Variants in CLOCK observed in about 807,000 individuals in gnomAD.
CLOCK encodes the protein circadian locomoter output cycles protein kaput.
In CLOCK, 43 loss-of-function variants were observed where a neutral mutation model predicts 118.4. That is an observed-to-expected ratio of 0.36 (90% confidence interval 0.28 to 0.47). The LOEUF is 0.47. CLOCK is among the 20% of genes least tolerant of loss of function. CLOCK has a pLI of 1.00. For missense variants in CLOCK, 846 were observed against 999.9 expected (o/e 0.85, Z 2.08); for synonymous variants, 326 against 339.2 (o/e 0.96, Z 0.43).
intron 7 of CLOCK, among the ~76,000 whole-genome samples, chr4:55,474,106 A>T (rs1025549509): frequency 6.6e-6 from 1 of 152,216 alleles, no homozygotes; most frequent in African/African-American, 2.4e-5. Context: ...CAAAAGCTAG[A>T]CCTCTTGCAA....
At chr4:55,453,159 G>A (rs1159261425) in intron 14 of CLOCK, 30 bp from the exon 15 acceptor site, 2 of 1,560,846 alleles carry the variant, frequency 1.3e-6, no homozygotes, top group South Asian at 1.1e-5. Flanking sequence ...TCAAATTTTA[G>A]TGTCTGGTCA....
intron 4 of CLOCK, among the ~76,000 whole-genome samples, chr4:55,482,080 A>G (rs1328806747): frequency 6.6e-6 from 1 of 152,178 alleles, no homozygotes; most frequent in Non-Finnish European, 1.5e-5. Flanking sequence ...AAAAACAAAG[A>G]CAACTTAAAG....
chr4:55,533,554 T>G (rs2110094691), intron 1 of CLOCK, among the ~76,000 whole-genome samples: 1 of 152,348 alleles, frequency 6.6e-6, no homozygotes, highest in Middle Eastern at 3.4e-3. Flanking sequence ...GCCTAGAAAG[T>G]AATTCAAACC....
chr4:55,499,818 C>G (rs147206040), intron 2 of CLOCK, among the ~76,000 whole-genome samples: 1 of 152,182 alleles, frequency 6.6e-6, no homozygotes, highest in Non-Finnish European at 1.5e-5. Flanking sequence ...GTTCCATGTA[C>G]GTGTAGCTCA....
rs1722762071 is a variant in CLOCK at position 55,434,917 on chromosome 4, C to T, written c.*498G>A. 1 of 177,950 alleles carries T rather than the reference C, an allele frequency of 5.6e-6. No individual in the cohort carries two copies. Among genetic ancestry groups the T allele is most frequent in the African/African-American group, 2.4e-5 (1 of 42,072 alleles). The allele number at this position is 177,950 out of a possible 1,614,324, so 11.0% of individuals were successfully genotyped here. On this transcript the variant is annotated 3_prime_UTR_variant, in exon 23 of 23. Transcript: ENST00000513440. Reference sequence around the variant, plus strand: ...CCACACAACATTCTGAAAGTAATTACTGTTCCATCATTATCTGAAAAGGGA... The same window carrying T: ...CCACACAACATTCTGAAAGTAATTATTGTTCCATCATTATCTGAAAAGGGA...
At chr4:55,517,447 T>A (rs953275710) in intron 1 of CLOCK, among the ~76,000 whole-genome samples, 2 of 152,076 alleles carry the variant, frequency 1.3e-5, no homozygotes, top group Non-Finnish European at 2.9e-5. Context: ...GAGGCAGAGG[T>A]TGCAGTGAGC....
intron 21 of CLOCK, among the ~76,000 whole-genome samples, chr4:55,441,939 T>A (rs777118502): frequency 6.6e-6 from 1 of 152,172 alleles, no homozygotes. Context: ...TAGCTATAGA[T>A]CCCTTGGCTA....
chr4:55,497,926 G>C (rs867747492), intron 2 of CLOCK, among the ~76,000 whole-genome samples: 1 of 151,212 alleles, frequency 6.6e-6, no homozygotes, highest in African/African-American at 2.4e-5. Context: ...TTTTAAAAGG[G>C]CAAATGTATA....
At chr4:55,527,583 A>G (rs567760892) in intron 1 of CLOCK, among the ~76,000 whole-genome samples, 3 of 152,214 alleles carry the variant, frequency 2.0e-5, no homozygotes, top group African/African-American at 4.8e-5. Context: ...AAAAATTTTA[A>G]AAGACTAAAA....
At chr4:55,473,080 C>T (rs992181642) in intron 7 of CLOCK, among the ~76,000 whole-genome samples, 2 of 152,122 alleles carry the variant, frequency 1.3e-5, no homozygotes, top group African/African-American at 2.4e-5. Context: ...AAAAAATTAG[C>T]TCGGCGTGGT....
chr4:55,467,559 T>C (rs1725820701), intron 8 of CLOCK, among the ~76,000 whole-genome samples: 1 of 152,246 alleles, frequency 6.6e-6, no homozygotes, highest in Admixed American at 6.5e-5. Flanking sequence ...TGATGCTCTA[T>C]GACTAGATTA....
chr4:55,478,761 G>A, intron 6 of CLOCK, 54 bp downstream of exon 6: 1 of 1,562,832 alleles, frequency 6.4e-7, no homozygotes. Flanking sequence ...TCTCTGCCAA[G>A]ATTCTAACTA....
intron 1 of CLOCK, among the ~76,000 whole-genome samples, chr4:55,513,190 T>C (rs2110034030): frequency 6.6e-6 from 1 of 152,286 alleles, no homozygotes; most frequent in East Asian, 1.9e-4. Context: ...CATCATCTTT[T>C]AAACTGTATG....
At chr4:55,462,868 A>G (rs1435811253) in intron 9 of CLOCK, among the ~76,000 whole-genome samples, 1 of 120,234 alleles carries the variant, frequency 8.3e-6, no homozygotes, top group African/African-American at 2.8e-5. Context: ...GTGTGTGTGT[A>G]TCTCAATTTT....
At chr4:55,463,234 T>C (rs1384422441) in intron 9 of CLOCK, among the ~76,000 whole-genome samples, 1 of 67,704 alleles carries the variant, frequency 1.5e-5, no homozygotes, top group East Asian at 1.1e-3. Context: ...GACTGTTTAA[T>C]TGTTTAATAA....
chr4:55,450,768 CAA>C (rs34192457), intron 15 of CLOCK, among the ~76,000 whole-genome samples: 20 of 142,148 alleles, frequency 1.4e-4, no homozygotes, highest in Admixed American at 2.8e-4. Flanking sequence ...GACTCCATCT[CAA>C]AAAAAAAAAA....
chr4:55,527,203 G>T (rs1730260949), intron 1 of CLOCK, among the ~76,000 whole-genome samples: 2 of 152,038 alleles, frequency 1.3e-5, no homozygotes, highest in African/African-American at 2.4e-5. Flanking sequence ...AATATTAACA[G>T]ATAAATAATA....
At chr4:55,503,978 T>TA (rs60471915) in intron 2 of CLOCK, among the ~76,000 whole-genome samples, 6,179 of 71,040 alleles carry the variant, frequency 0.087, 646 homozygotes, top group African/African-American at 0.17. Flanking sequence ...CAAAAAGAGG[T>TA]AAAAAAAAAA....
intron 9 of CLOCK, among the ~76,000 whole-genome samples, chr4:55,462,851 AGTGT>A (rs61436394): frequency 1.3e-5 from 2 of 151,308 alleles, no homozygotes; most frequent in African/African-American, 2.4e-5. Flanking sequence ...GATTTGTGTG[AGTGT>A]GTGTGTGTGT....
Sources: gnomAD v4.1 joint callset for allele counts (sites outside exome capture counted in the v4.1 genomes callset) on GRCh38, gnomAD v4.1.1 for gene constraint, MANE v1.5 for transcripts, NCBI Gene and HGNC (gene_info 2026-07-23, HGNC 2026-07-21) for gene names.